The following KIF26B variants were observed in gnomAD, a reference collection of about 807,000 sequenced individuals.
The protein encoded by KIF26B is kinesin-like protein KIF26B.
KIF26B carries 63 observed loss-of-function variants against 151.2 expected under a neutral mutation model. The ratio of observed to expected loss-of-function variants is 0.42; its 90% CI spans 0.34 to 0.51. KIF26B has a LOEUF of 0.51. Among genes scored for constraint, KIF26B ranks in the 20% least tolerant of loss-of-function variants. The pLI is 0.07. For missense variants in KIF26B, 2,813 were observed against 2,913.6 expected (o/e 0.97, Z 0.79); for synonymous variants, 1,357 against 1,262.1 (o/e 1.08, Z -1.59).
chr1:245,193,570 C>G (rs964050805), intron 2 of KIF26B, among the ~76,000 whole-genome samples: 10 of 152,044 alleles, frequency 6.6e-5, no homozygotes, highest in African/African-American at 2.2e-4. Flanking sequence ...TAATAGTCAT[C>G]ATGCGTTAAG....
At chr1:245,472,600 C>T (rs1463978272) in intron 4 of KIF26B, among the ~76,000 whole-genome samples, 1 of 152,158 alleles carries the variant, frequency 6.6e-6, no homozygotes, top group Non-Finnish European at 1.5e-5. Context: ...GGATCTTCAA[C>T]CGGTATGCTA....
At chr1:245,226,752 C>T (rs551383643) in intron 2 of KIF26B, among the ~76,000 whole-genome samples, 9 of 152,220 alleles carry the variant, frequency 5.9e-5, no homozygotes, top group African/African-American at 1.7e-4. Flanking sequence ...CATAAGCCAC[C>T]GCACCTGGCC....
intron 2 of KIF26B, among the ~76,000 whole-genome samples, chr1:245,336,037 AG>A (rs1455122214): frequency 1.0e-5 from 1 of 95,346 alleles, no homozygotes; most frequent in Non-Finnish European, 1.8e-5. Context: ...ACGCAGGGAA[AG>A]GAGGGTCCCA....
At position 245,564,303 on chromosome 1, in the gene KIF26B, C is replaced by A. The variant is rs2042985880; in HGVS notation, c.1350+23353C>A. ...ACAGATTCGACCTGGGCAGAATGCT[C>A]TTCAGTTTGTTCCTATCTCTGCCGG... On this transcript the variant is annotated intron_variant, in intron 5 of 14. Transcript: ENST00000407071. This position sits in a 1 kb window ranked among gnomAD's most constrained non-coding sequence, Gnocchi z 4.6. 6.6e-6 allele frequency among the ~76,000 whole-genome samples: 1 copy of A among 152,266 alleles called. No homozygotes were observed. The highest frequency in any genetic ancestry group is 1.9e-4 in the East Asian group (1 of 5,182).
In KIF26B at chr1:245,540,937, C is replaced by A. The variant is rs772241455; in HGVS notation, c.1337C>A (p.Pro446Gln). The change falls in exon 5 of 15, where the codon CCG (proline) becomes CAG (glutamine). Residue 446 changes from proline (P) to glutamine (Q), a missense_variant. This residue lies in a region of KIF26B where 676 missense variants were observed against 688.1 expected (regional missense o/e 0.98). Coordinates refer to ENST00000407071, the MANE Select transcript of KIF26B (RefSeq NM_018012.4). This position sits in a 1 kb window ranked among gnomAD's most constrained non-coding sequence, Gnocchi z 4.6. ...GCTGTCAACAAGGTGAAGGACACCC[C>A]GGGGCTGGGCAAGGTAGGACCATCC... is the stretch of plus-strand genomic sequence containing the variant. Reference protein sequence around the residue: ...LRAVNKVKDTPGLGKVKVMLR... With the variant: ...LRAVNKVKDTQGLGKVKVMLR... 4 of 1,613,046 alleles carry A rather than the reference C, an allele frequency of 2.5e-6. No homozygotes were observed. Among genetic ancestry groups the A allele is most frequent in the Non-Finnish European group, 3.4e-6 (4 of 1,179,230 alleles).
Position 245,708,875 on chromosome 1 carries a change from G to C in KIF26B, c.*6269G>C, listed in dbSNP as rs1210499533. 2 of 152,170 alleles carry C rather than the reference G, an allele frequency of 1.3e-5. No homozygotes were observed. Among genetic ancestry groups the C allele is most frequent in the African/African-American group, 4.8e-5 (2 of 41,444 alleles). 9.4% of individuals were successfully genotyped at this position (152,170 alleles called of 1,614,324 possible). A position where few individuals can be genotyped will look rare whatever the true frequency, so the allele number is the denominator to read the frequency against. ...TAGAAATGGGCCCATTTGAAAAGTG[G>C]AGACAAGGTCTGCCCAGGTGCATTT... On this transcript the variant is annotated 3_prime_UTR_variant, in exon 15 of 15. Transcript: ENST00000407071.
At chr1:245,266,053 AAT>A (rs1437293486) in intron 2 of KIF26B, among the ~76,000 whole-genome samples, 3 of 152,318 alleles carry the variant, frequency 2.0e-5, no homozygotes, top group Admixed American at 6.5e-5. Context: ...AGTTATTTGC[AAT>A]ATATATAACT....
intron 4 of KIF26B, among the ~76,000 whole-genome samples, chr1:245,533,285 C>T (rs1661414845): frequency 6.6e-6 from 1 of 152,180 alleles, no homozygotes; most frequent in Admixed American, 6.5e-5. Context: ...GACTGTCCAT[C>T]TGCCACCCCT....
At position 245,407,492 on chromosome 1, in the gene KIF26B, C is replaced by A. The variant is rs371887322; in HGVS notation, c.1000-12087C>A. ...TCTTTTTCTTTTTGTTCTTTTTTCT[C>A]TCTTTGTTCCTTGTTTGCCCTTTCT... On this transcript the variant is annotated intron_variant, in intron 3 of 14. Coordinates refer to ENST00000407071, the MANE Select transcript of KIF26B (RefSeq NM_018012.4). Among the ~76,000 whole-genome samples, 3 of 151,902 alleles carry A rather than the reference C, an allele frequency of 2.0e-5. No homozygotes were observed. In the South Asian group the frequency reaches 6.2e-4, roughly 32 times the overall value.
intron 4 of KIF26B, among the ~76,000 whole-genome samples, chr1:245,436,291 A>C (rs1047239107): frequency 2.0e-5 from 3 of 152,150 alleles, no homozygotes; most frequent in Non-Finnish European, 4.4e-5. Context: ...CACTCTTTGC[A>C]GTCTCCTACC....
At chr1:245,545,987 T>A (rs1572117750) in intron 5 of KIF26B, among the ~76,000 whole-genome samples, 1 of 152,332 alleles carries the variant, frequency 6.6e-6, no homozygotes. Flanking sequence ...TCAACATTTT[T>A]AAAAGTGAGA....
At chr1:245,287,858 G>A (rs1041577059) in intron 2 of KIF26B, among the ~76,000 whole-genome samples, 2 of 152,034 alleles carry the variant, frequency 1.3e-5, no homozygotes, top group Non-Finnish European at 2.9e-5. Flanking sequence ...AACTTCAGTA[G>A]TAACTTGGGA....
At chr1:245,304,955 G>A (rs1671509049) in intron 2 of KIF26B, among the ~76,000 whole-genome samples, 1 of 152,182 alleles carries the variant, frequency 6.6e-6, no homozygotes, top group African/African-American at 2.4e-5. Flanking sequence ...AGGCCCAGAG[G>A]TTGAGTCATG....
chr1:245,514,912 G>C (rs1440973440), intron 4 of KIF26B, among the ~76,000 whole-genome samples: 2 of 152,204 alleles, frequency 1.3e-5, no homozygotes, highest in African/African-American at 4.8e-5. Context: ...CCATAGCCTT[G>C]ATGTCAATAC....
chr1:245,197,267 A>G (rs1171866650), intron 2 of KIF26B, among the ~76,000 whole-genome samples: 1 of 152,018 alleles, frequency 6.6e-6, no homozygotes, highest in African/African-American at 2.4e-5. Flanking sequence ...CTTCTAGGAG[A>G]ACAATTATTA....
chr1:245,317,082 T>C (rs1671794158), intron 2 of KIF26B, among the ~76,000 whole-genome samples: 1 of 152,202 alleles, frequency 6.6e-6, no homozygotes, highest in South Asian at 2.1e-4. Flanking sequence ...TGCTGTGTTG[T>C]TTTGTGCTTT....
intron 4 of KIF26B, among the ~76,000 whole-genome samples, chr1:245,503,164 G>A (rs972804755): frequency 1.3e-5 from 2 of 152,176 alleles, no homozygotes; most frequent in Non-Finnish European, 1.5e-5. Context: ...CGGCCATGGT[G>A]AACTCTTTTT....
intron 3 of KIF26B, among the ~76,000 whole-genome samples, chr1:245,380,727 CAGAT>C (rs992092615): frequency 1.3e-5 from 2 of 152,114 alleles, no homozygotes; most frequent in Non-Finnish European, 2.9e-5. Context: ...ACCGATTCCT[CAGAT>C]AGGTCAGATT....
rs1298036701 is a variant in KIF26B, at chr1:245,703,327, T to C, written c.*721T>C. On this transcript the variant is annotated 3_prime_UTR_variant, in exon 15 of 15. Transcript: ENST00000407071. Reference sequence around the variant, plus strand: ...AGTGTGTGTGTTTCCAAAGTAGGTTTGGAGCAGCAGGTGACCTCGATGCCA... The same window carrying C: ...AGTGTGTGTGTTTCCAAAGTAGGTTCGGAGCAGCAGGTGACCTCGATGCCA... The C allele has an allele frequency of 6.6e-6, 1 of 152,414 alleles. No individual in the cohort carries two copies. The highest frequency in any genetic ancestry group is 2.4e-5 in the African/African-American group (1 of 41,458). The allele number at this position is 152,414 out of a possible 1,614,324, so 9.4% of individuals were successfully genotyped here.
Sources: allele counts gnomAD v4.1 joint callset (sites outside exome capture counted in the v4.1 genomes callset), GRCh38; gene constraint gnomAD v4.1.1; regional missense constraint gnomAD v4.1.1; non-coding constraint Gnocchi (gnomAD v3.1); transcripts MANE v1.5; gene names NCBI Gene and HGNC (gene_info 2026-07-23, HGNC 2026-07-21).